Variants in LRRC20 observed in about 807,000 individuals in gnomAD.
The protein encoded by LRRC20 is leucine-rich repeat-containing protein 20.
Under a neutral mutation model 14.4 loss-of-function variants are expected in LRRC20, and 11 were observed. The ratio of observed to expected loss-of-function variants is 0.77; its 90% CI spans 0.48 to 1.27. The LOEUF is 1.27. LRRC20 is among the 50% of genes most tolerant of loss of function. The pLI is 0.00. For synonymous variants in LRRC20, 121 were observed against 107.3 expected (o/e 1.13, Z -0.79); for missense variants, 219 against 251.2 (o/e 0.87, Z 0.87).
intron 2 of LRRC20, among the ~76,000 whole-genome samples, chr10:70,370,704 C>G (rs1301748582): frequency 6.6e-6 from 1 of 152,142 alleles, no homozygotes; most frequent in African/African-American, 2.4e-5. Context: ...GATCACACCA[C>G]TGCACTCCAG....
chr10:70,316,171 C>T (rs1036431311), intron 4 of LRRC20, among the ~76,000 whole-genome samples: 1 of 152,174 alleles, frequency 6.6e-6, no homozygotes, highest in Non-Finnish European at 1.5e-5. Context: ...CTGGCTCTGT[C>T]ACCCAGGCTG....
At chr10:70,354,066 C>T (rs1006580373) in intron 2 of LRRC20, among the ~76,000 whole-genome samples, 1 of 152,174 alleles carries the variant, frequency 6.6e-6, no homozygotes, top group African/African-American at 2.4e-5. Flanking sequence ...TAAATTGCAA[C>T]TGATCATCTC....
rs185704621 is a variant in LRRC20 at position 70,363,350 on chromosome 10, C to A, written c.82+13102G>T. On this transcript the variant is annotated intron_variant, in intron 2 of 4. Coordinates refer to ENST00000446961, the MANE Select transcript of LRRC20 (RefSeq NM_001278212.2). Reference sequence around the variant, plus strand: ...AGAGAGGAAGGGAGGAAGGAAGAAACCCCAGAAAAGTCTCTCCCTGGCCCC... The same window carrying A: ...AGAGAGGAAGGGAGGAAGGAAGAAAACCCAGAAAAGTCTCTCCCTGGCCCC... Among the ~76,000 whole-genome samples the A allele has an allele frequency of 2.0e-5, 3 of 151,988 alleles. No individual in the cohort carries two copies. In the East Asian group the frequency reaches 5.8e-4, roughly 29 times the overall value.
In LRRC20 at chr10:70,300,513, T is replaced by C; in HGVS notation, c.*841A>G. On this transcript the variant is annotated 3_prime_UTR_variant, in exon 5 of 5. Transcript: ENST00000446961. Reference sequence around the variant, plus strand: ...AGGCTGCTGCTGGACTGGACAGTGGTGAGGGTGGCCATCTAATCACTTTAG... The same window carrying C: ...AGGCTGCTGCTGGACTGGACAGTGGCGAGGGTGGCCATCTAATCACTTTAG... 1 of 985,444 alleles carries C rather than the reference T, an allele frequency of 1.0e-6. No homozygotes were observed. The highest frequency in any genetic ancestry group is 1.2e-6 in the Non-Finnish European group (1 of 829,972). 61.0% of individuals were successfully genotyped at this position (985,444 alleles called of 1,614,324 possible).
chr10:70,352,862 T>G (rs999193427), intron 2 of LRRC20, among the ~76,000 whole-genome samples: 1 of 152,230 alleles, frequency 6.6e-6, no homozygotes, highest in Non-Finnish European at 1.5e-5. Flanking sequence ...TCTCCAGGAC[T>G]TTTGCATCTT....
In LRRC20 at chr10:70,324,029, C is replaced by G. The variant is rs1282251158; in HGVS notation, c.234G>C (p.Glu78Asp). 16 of 1,613,736 alleles carry G rather than the reference C, an allele frequency of 9.9e-6. No homozygotes were observed. Among genetic ancestry groups the G allele is most frequent in the Non-Finnish European group, 1.3e-5 (15 of 1,179,996 alleles). Residue 78 changes from glutamate to aspartate, a missense_variant and splice_region_variant, in exon 4 of 5, where the codon GAG becomes GAC. Physicochemically the swap from Glu to Asp is conservative, Grantham distance 45. Coordinates refer to ENST00000446961, the MANE Select transcript of LRRC20 (RefSeq NM_001278212.2). ...KFMTTFSQLR[E>D]LHLEGNFLHR... is the part of the protein sequence containing the mutation. ...GTAGGAAGTTCCCCTCCAGGTGGAG[C>G]TCTGCCACGTGCAGGGAAGGAGAGA...
intron 3 of LRRC20, among the ~76,000 whole-genome samples, chr10:70,329,001 A>G (rs190809424): frequency 2.4e-4 from 37 of 152,358 alleles, no homozygotes; most frequent in Non-Finnish European, 2.2e-4. Context: ...ACATGATAGC[A>G]GGAATCAAAA....
At chr10:70,370,946 G>A (rs1404674787) in intron 2 of LRRC20, among the ~76,000 whole-genome samples, 3 of 152,052 alleles carry the variant, frequency 2.0e-5, no homozygotes, top group African/African-American at 7.2e-5. Context: ...CTTGAGCCCA[G>A]GAATTCAAGG....
At chr10:70,319,055 C>A (rs1841979606) in intron 4 of LRRC20, among the ~76,000 whole-genome samples, 1 of 152,002 alleles carries the variant, frequency 6.6e-6, no homozygotes, top group South Asian at 2.1e-4. Context: ...AATTCTCCCA[C>A]CTCGGCCTGC....
chr10:70,362,119 A>T (rs1256614669), intron 2 of LRRC20, among the ~76,000 whole-genome samples: 1 of 152,236 alleles, frequency 6.6e-6, no homozygotes, highest in Non-Finnish European at 1.5e-5. Flanking sequence ...CAGGAGGCGG[A>T]GGTTGCAGTG....
chr10:70,374,798 G>T (rs1402146745), intron 2 of LRRC20, among the ~76,000 whole-genome samples: 2 of 152,170 alleles, frequency 1.3e-5, no homozygotes, highest in African/African-American at 4.8e-5. Flanking sequence ...AAGGGCTTAG[G>T]TCTCGCCACC....
chr10:70,373,632 C>A (rs1043938140), intron 2 of LRRC20, among the ~76,000 whole-genome samples: 1 of 152,214 alleles, frequency 6.6e-6, no homozygotes, highest in African/African-American at 2.4e-5. Flanking sequence ...TCAACCACAA[C>A]TTTAAGACCC....
chr10:70,342,232 C>T (rs559825884), intron 2 of LRRC20, among the ~76,000 whole-genome samples: 3 of 151,962 alleles, frequency 2.0e-5, no homozygotes, highest in Admixed American at 2.0e-4. Flanking sequence ...ATCGCTTCAA[C>T]CTGGGAGGCA....
intron 2 of LRRC20, among the ~76,000 whole-genome samples, chr10:70,357,186 G>A (rs1843557518): frequency 1.3e-5 from 2 of 152,212 alleles, no homozygotes; most frequent in South Asian, 4.1e-4. Context: ...ACTGGTAATG[G>A]CCTGGGGCTG....
intron 1 of LRRC20, among the ~76,000 whole-genome samples, chr10:70,380,944 C>T (rs763726313): frequency 6.6e-6 from 1 of 152,202 alleles, no homozygotes; most frequent in South Asian, 2.1e-4. Flanking sequence ...CATGAAGGCA[C>T]ATGGCATGGC....
intron 3 of LRRC20, among the ~76,000 whole-genome samples, chr10:70,337,666 C>G (rs1419868615): frequency 6.6e-6 from 1 of 152,196 alleles, no homozygotes; most frequent in East Asian, 1.9e-4. Flanking sequence ...GCATCCATAC[C>G]CAGGCCCTTC....
chr10:70,317,711 A>G (rs746938016), intron 4 of LRRC20, among the ~76,000 whole-genome samples: 16 of 152,186 alleles, frequency 1.1e-4, no homozygotes, highest in Non-Finnish European at 1.5e-4. Context: ...TCCAGGCTGA[A>G]GACAGGCAGT....
chr10:70,310,518 T>G (rs1414976084), intron 4 of LRRC20, among the ~76,000 whole-genome samples: 1 of 152,136 alleles, frequency 6.6e-6, no homozygotes, highest in Non-Finnish European at 1.5e-5. Flanking sequence ...CTCCAAACTC[T>G]CTGAACATTT....
chr10:70,329,574 T>C (rs1842456422), intron 3 of LRRC20, among the ~76,000 whole-genome samples: 1 of 151,328 alleles, frequency 6.6e-6, no homozygotes, highest in African/African-American at 2.4e-5. Context: ...TTTTTTTTTT[T>C]TTTTCGAGAT....
Sources: allele counts gnomAD v4.1 joint callset (sites outside exome capture counted in the v4.1 genomes callset), GRCh38; gene constraint gnomAD v4.1.1; transcripts MANE v1.5; gene names NCBI Gene and HGNC (gene_info 2026-07-23, HGNC 2026-07-21).